RBM20: variants seen among roughly 807,000 people sequenced by gnomAD.
The protein encoded by RBM20 is RNA-binding protein 20.
A neutral mutation model predicts 110.1 loss-of-function variants in RBM20; 51 were observed. The ratio of observed to expected loss-of-function variants is 0.46; its 90% confidence interval spans 0.37 to 0.59. The LOEUF is 0.59. RBM20 is among the 20% of genes least tolerant of loss of function. The pLI is 0.00. For synonymous variants in RBM20, 589 were observed against 618.2 expected (o/e 0.95, Z 0.70); for missense variants, 1,512 against 1,574.9 (o/e 0.96, Z 0.68).
chr10:110,712,801 A>T (rs542289931), intron 1 of RBM20, among the ~76,000 whole-genome samples: 101 of 152,212 alleles, frequency 6.6e-4, no homozygotes, highest in African/African-American at 2.4e-3. Context: ...GACCCCAATA[A>T]TTACCTTTCA....
chr10:110,828,049 C>T (rs1008185085), intron 12 of RBM20, among the ~76,000 whole-genome samples: 2 of 152,182 alleles, frequency 1.3e-5, no homozygotes, highest in South Asian at 2.1e-4. Context: ...CTGGCCAGCG[C>T]GAGCCTGCCA....
At chr10:110,729,876 T>C (rs1465525867) in intron 1 of RBM20, among the ~76,000 whole-genome samples, 1 of 152,224 alleles carries the variant, frequency 6.6e-6, no homozygotes, top group East Asian at 1.9e-4. Context: ...CAGGCTGGAG[T>C]GCAACCTCGG....
intron 7 of RBM20, among the ~76,000 whole-genome samples, chr10:110,802,850 T>C (rs1050534135): frequency 3.9e-5 from 6 of 152,198 alleles, no homozygotes; most frequent in African/African-American, 1.4e-4. Context: ...CTATCCTAGA[T>C]TGGAAGATGG....
chr10:110,683,750 T>A (rs549554163), intron 1 of RBM20, among the ~76,000 whole-genome samples: 1 of 152,326 alleles, frequency 6.6e-6, no homozygotes, highest in East Asian at 1.9e-4. Flanking sequence ...AATGAATATG[T>A]TGAGTCAGTT....
intron 11 of RBM20, 42 bp downstream of exon 11, chr10:110,821,977 G>C (rs1329027832): frequency 6.6e-7 from 1 of 1,522,012 alleles, no homozygotes; most frequent in Non-Finnish European, 8.9e-7. Flanking sequence ...GGGTTGATTG[G>C]ACTCCTGCTC....
chr10:110,716,048 A>ACATT (rs1435164603), intron 1 of RBM20, among the ~76,000 whole-genome samples: 11 of 152,362 alleles, frequency 7.2e-5, no homozygotes, highest in Non-Finnish European at 1.6e-4. Flanking sequence ...AGGAAGTATC[A>ACATT]CATTCTTCAT....
chr10:110,701,705 T>C (rs528602719), intron 1 of RBM20, among the ~76,000 whole-genome samples: 91 of 152,350 alleles, frequency 6.0e-4, no homozygotes, highest in African/African-American at 2.1e-3. Flanking sequence ...AATGTCCCTG[T>C]GTCCACCCAC....
chr10:110,732,485 G>A (rs1370333842), intron 1 of RBM20, among the ~76,000 whole-genome samples: 2 of 152,156 alleles, frequency 1.3e-5, no homozygotes, highest in Non-Finnish European at 2.9e-5. Context: ...GCAAAACCAG[G>A]TTTCCAAGGG....
At chr10:110,816,866 C>T (rs1844846726) in intron 9 of RBM20, among the ~76,000 whole-genome samples, 1 of 152,110 alleles carries the variant, frequency 6.6e-6, no homozygotes, top group African/African-American at 2.4e-5. Flanking sequence ...TGGATGTGAT[C>T]ACAAGGCTGT....
At chr10:110,765,204 C>A (rs1463611615) in intron 1 of RBM20, among the ~76,000 whole-genome samples, 1 of 152,120 alleles carries the variant, frequency 6.6e-6, no homozygotes, top group East Asian at 1.9e-4. Context: ...GAAGGGGATG[C>A]ATTCAGAATC....
chr10:110,781,071 A>G lies in RBM20; in HGVS notation c.462A>G (p.Gln154=). Residue 154 remains glutamine (Q), a synonymous_variant, in exon 2 of 14, where the codon CAA becomes CAG. Coordinates refer to ENST00000369519, the MANE Select transcript of RBM20 (RefSeq NM_001134363.3). The part of the protein sequence containing the change: ...TGPHGHAGVP[Q]HAAAIPSTRF... Reference sequence around the variant, plus strand: ...CCCACGGCCATGCTGGGGTTCCCCAACATGCTGCAGCCATACCCAGTACCC... The same window carrying G: ...CCCACGGCCATGCTGGGGTTCCCCAGCATGCTGCAGCCATACCCAGTACCC... The G allele has an allele frequency of 6.4e-7, 1 of 1,551,828 alleles. No individual in the cohort carries two copies.
chr10:110,665,533 G>A (rs1862163445), intron 1 of RBM20, among the ~76,000 whole-genome samples: 1 of 152,186 alleles, frequency 6.6e-6, no homozygotes, highest in Non-Finnish European at 1.5e-5. Flanking sequence ...AATAGCAGGA[G>A]GGGTTATCTG....
intron 7 of RBM20, among the ~76,000 whole-genome samples, chr10:110,808,736 C>T (rs759182376): frequency 2.0e-4 from 30 of 152,128 alleles, no homozygotes; most frequent in Non-Finnish European, 3.7e-4. Flanking sequence ...GGCAGCTCCT[C>T]CTTCATTCTC....
chr10:110,758,970 G>A (rs749176749), intron 1 of RBM20, among the ~76,000 whole-genome samples: 36 of 152,174 alleles, frequency 2.4e-4, no homozygotes, highest in Non-Finnish European at 1.8e-4. Flanking sequence ...TGTTTTATGG[G>A]CCTCTGGAGA....
chr10:110,793,305 G>C (rs991147508), intron 5 of RBM20, among the ~76,000 whole-genome samples: 1 of 152,088 alleles, frequency 6.6e-6, no homozygotes, highest in African/African-American at 2.4e-5. Flanking sequence ...TCCACCCCAA[G>C]CAGCCACTGT....
In RBM20 at chr10:110,809,218, TAA is replaced by T. The variant is rs60697105; in HGVS notation, c.1801-1152_1801-1151del. On this transcript the variant is annotated intron_variant, in intron 7 of 13. Coordinates refer to ENST00000369519, the MANE Select transcript of RBM20 (RefSeq NM_001134363.3). ...AGTGACAGAGCAAGACCCCGTTTCT[TAA>T]AAAAAAAAAAAATTGCATGATTCTT... Among the ~76,000 whole-genome samples the T allele has an allele frequency of 4.9e-5, 3 of 60,688 alleles. No homozygotes were observed. In the Admixed American group the frequency reaches 6.2e-4, roughly 13 times the overall value. The allele number at this position is 60,688 out of a possible 152,430, so 39.8% of individuals were successfully genotyped here.
chr10:110,830,253 A>G (rs1466478974), intron 12 of RBM20, among the ~76,000 whole-genome samples: 1 of 152,190 alleles, frequency 6.6e-6, no homozygotes, highest in Non-Finnish European at 1.5e-5. Flanking sequence ...AGCAGCCACC[A>G]TCCCTTCAAG....
intron 1 of RBM20, among the ~76,000 whole-genome samples, chr10:110,720,057 C>T (rs1384621870): frequency 6.6e-6 from 1 of 152,040 alleles, no homozygotes; most frequent in Admixed American, 6.6e-5. Context: ...TGGCGGTGAT[C>T]TTTTTTATAA....
intron 5 of RBM20, among the ~76,000 whole-genome samples, chr10:110,797,220 A>G (rs1844560983): frequency 6.6e-6 from 1 of 152,114 alleles, no homozygotes; most frequent in African/African-American, 2.4e-5. Context: ...TTGAGTCTGG[A>G]AGTCAAGGCT....
Sources: gnomAD v4.1 joint callset for allele counts (sites outside exome capture counted in the v4.1 genomes callset) on GRCh38, gnomAD v4.1.1 for gene constraint, MANE v1.5 for transcripts, NCBI Gene and HGNC (gene_info 2026-07-23, HGNC 2026-07-21) for gene names.